Variants in FAM135B observed in about 807,000 individuals in gnomAD.
FAM135B encodes the protein protein FAM135B.
In FAM135B, 43 loss-of-function variants were observed where a neutral mutation model predicts 127.7. The observed-to-expected ratio is 0.34, with a 90% CI of 0.26 to 0.43. FAM135B has a LOEUF of 0.43. Among genes scored for constraint, FAM135B ranks in the 20% least tolerant of loss-of-function variants. FAM135B has a pLI of 1.00. For synonymous variants in FAM135B, 670 were observed against 665.1 expected (o/e 1.01, Z -0.11); for missense variants, 1,558 against 1,725.6 (o/e 0.90, Z 1.72).
chr8:138,409,991 C>T (rs1487041516), intron 1 of FAM135B, among the ~76,000 whole-genome samples: 1 of 152,036 alleles, frequency 6.6e-6, no homozygotes, highest in African/African-American at 2.4e-5. Flanking sequence ...AGCTTCAGGG[C>T]CCACATTCTA....
At chr8:138,482,444 G>A (rs539036033) in intron 1 of FAM135B, among the ~76,000 whole-genome samples, 1 of 152,250 alleles carries the variant, frequency 6.6e-6, no homozygotes, top group South Asian at 2.1e-4. Context: ...ACCATGCTTA[G>A]AAGAGCCCTC....
intron 1 of FAM135B, among the ~76,000 whole-genome samples, chr8:138,434,987 A>C (rs1012036425): frequency 6.6e-6 from 1 of 152,210 alleles, no homozygotes; most frequent in African/African-American, 2.4e-5. Context: ...GACAATGTAC[A>C]TATTTTCAAT....
At chr8:138,178,949 C>T (rs1814742108) in intron 9 of FAM135B, among the ~76,000 whole-genome samples, 1 of 152,158 alleles carries the variant, frequency 6.6e-6, no homozygotes, top group South Asian at 2.1e-4. Flanking sequence ...AGCCCTTAGT[C>T]TAGCAGGCAA....
At chr8:138,226,715 C>T (rs1015538461) in intron 7 of FAM135B, among the ~76,000 whole-genome samples, 1 of 152,258 alleles carries the variant, frequency 6.6e-6, no homozygotes. Context: ...GCATGCACCA[C>T]CATGCCCAGC....
intron 1 of FAM135B, among the ~76,000 whole-genome samples, chr8:138,456,033 G>A (rs961575359): frequency 1.1e-4 from 17 of 152,152 alleles, no homozygotes; most frequent in African/African-American, 2.2e-4. Flanking sequence ...AGAAGTGTAC[G>A]TGAGGACCAA....
At chr8:138,221,318 C>A (rs1003284861) in intron 7 of FAM135B, among the ~76,000 whole-genome samples, 1 of 152,028 alleles carries the variant, frequency 6.6e-6, no homozygotes, top group Non-Finnish European at 1.5e-5. Flanking sequence ...AAGTGTCACA[C>A]GCTTTCAAAC....
chr8:138,197,713 G>A (rs1816773367), intron 7 of FAM135B, 44 bp from the exon 8 acceptor site: 1 of 1,600,634 alleles, frequency 6.2e-7, no homozygotes, highest in African/African-American at 1.3e-5. Flanking sequence ...TATTGCACCT[G>A]GCCCAGGCAG....
At position 138,165,085 on chromosome 8, in the gene FAM135B, C is replaced by T. The variant is rs571471386; in HGVS notation, c.1258+2810G>A. On this transcript the variant is annotated intron_variant, in intron 12 of 19. Transcript: ENST00000395297. ...TCCAGCTGATATTGCAGGATGGAGG[C>T]GCAGAGAGGGAATGAATTTATTTAT... 1.7e-3 allele frequency among the ~76,000 whole-genome samples: 254 copies of T among 151,156 alleles called. 1 individual carries two copies. The South Asian group carries it at 0.017, about 10-fold the overall frequency.
At chr8:138,380,988 A>AAC (rs1311107979) in intron 1 of FAM135B, among the ~76,000 whole-genome samples, 11 of 151,326 alleles carry the variant, frequency 7.3e-5, no homozygotes, top group Admixed American at 7.2e-4. Context: ...CAAACAAACA[A>AAC]AAAAAAACAG....
At chr8:138,440,634 T>C (rs1835705740) in intron 1 of FAM135B, 1 of 151,754 alleles carries the variant, frequency 6.6e-6, no homozygotes, top group Admixed American at 6.6e-5. Flanking sequence ...CAAACCTAGG[T>C]TACTGGACAC....
intron 3 of FAM135B, among the ~76,000 whole-genome samples, chr8:138,280,284 G>A (rs895783363): frequency 2.0e-5 from 3 of 152,162 alleles, no homozygotes; most frequent in African/African-American, 4.8e-5. Flanking sequence ...GGCTTAGCCC[G>A]TTGGCTCTAG....
chr8:138,215,657 G>A (rs1387335579), intron 7 of FAM135B, among the ~76,000 whole-genome samples: 1 of 152,178 alleles, frequency 6.6e-6, no homozygotes, highest in African/African-American at 2.4e-5. Flanking sequence ...AAGTGCTTTG[G>A]CACAGACAGA....
chr8:138,322,858 G>A (rs528116496), intron 2 of FAM135B, among the ~76,000 whole-genome samples: 32 of 152,298 alleles, frequency 2.1e-4, no homozygotes, highest in African/African-American at 7.5e-4. Flanking sequence ...CTGTGATGCG[G>A]AGGTGAAACT....
chr8:138,135,007 G>A (rs1264029759), intron 19 of FAM135B, among the ~76,000 whole-genome samples: 15 of 152,186 alleles, frequency 9.9e-5, no homozygotes, highest in Non-Finnish European at 2.2e-4. Context: ...AGCAGGAGTT[G>A]TCAGACTTTC....
At chr8:138,220,815 A>G (rs1032217176) in intron 7 of FAM135B, among the ~76,000 whole-genome samples, 1 of 152,246 alleles carries the variant, frequency 6.6e-6, no homozygotes, top group Non-Finnish European at 1.5e-5. Context: ...CTAACTGCAC[A>G]TATATAAATG....
chr8:138,139,706 C>T (rs928992784), intron 17 of FAM135B, among the ~76,000 whole-genome samples: 4 of 152,170 alleles, frequency 2.6e-5, no homozygotes, highest in African/African-American at 7.2e-5. Context: ...GCAGAGCTTG[C>T]AGTGAGTCGA....
At chr8:138,491,694 T>C (rs943946976) in intron 1 of FAM135B, among the ~76,000 whole-genome samples, 2 of 152,172 alleles carry the variant, frequency 1.3e-5, no homozygotes, top group African/African-American at 4.8e-5. Flanking sequence ...AGTTCAACAG[T>C]GAACTACGTA....
intron 4 of FAM135B, 74 bp from the exon 5 acceptor site, chr8:138,256,833 T>TTGGGAAGTAGA: frequency 3.6e-6 from 4 of 1,124,040 alleles, no homozygotes; most frequent in Non-Finnish European, 5.4e-6. Context: ...CTGGTCTACT[T>TTGGGAAGTAGA]CCCAAAGTAG....
At chr8:138,205,575 C>T (rs1817490145) in intron 7 of FAM135B, among the ~76,000 whole-genome samples, 1 of 152,164 alleles carries the variant, frequency 6.6e-6, no homozygotes, top group African/African-American at 2.4e-5. Flanking sequence ...ACCTTTCCGG[C>T]TCTTTAATAC....
Sources: allele counts gnomAD v4.1 joint callset (sites outside exome capture counted in the v4.1 genomes callset), GRCh38; gene constraint gnomAD v4.1.1; transcripts MANE v1.5; gene names NCBI Gene and HGNC (gene_info 2026-07-23, HGNC 2026-07-21).